BRPF1: variants seen among roughly 807,000 people sequenced by gnomAD.
BRPF1 encodes the protein peregrin.
A neutral mutation model predicts 115.0 loss-of-function variants in BRPF1; 15 were observed. The ratio of observed to expected loss-of-function variants is 0.13; its 90% CI spans 0.09 to 0.20. The LOEUF is 0.20. BRPF1 is among the 10% of genes least tolerant of loss of function. The pLI, the probability that BRPF1 is intolerant of heterozygous loss-of-function variation, is 1.00. For missense variants in BRPF1, 1,118 were observed against 1,638.3 expected, an observed-to-expected ratio of 0.68 and a Z score of 5.48; for synonymous variants, 647 against 619.8, an observed-to-expected ratio of 1.04 and a Z score of -0.65.
At position 9,734,797 on chromosome 3, in the gene BRPF1, A is replaced by G; in HGVS notation, c.599+58A>G. The G allele has an allele frequency of 6.3e-7, 1 of 1,581,760 alleles. No individual in the cohort carries two copies. Among genetic ancestry groups the G allele is most frequent in the Admixed American group, 1.7e-5 (1 of 58,766 alleles). On this transcript the variant is annotated intron_variant, in intron 2 of 13. Coordinates refer to ENST00000383829, the MANE Select transcript of BRPF1 (RefSeq NM_001003694.2). This position sits in a 1 kb window ranked among gnomAD's most constrained non-coding sequence, Gnocchi z 5.7. ...ACTGGTCAAGCAGGGCTCACTAGCC[A>G]GAGAGAGGTGAGAGGCACAGATAGA...
In BRPF1 at chr3:9,739,954, C is replaced by T; in HGVS notation, c.1555C>T (p.His519Tyr). Residue 519 changes from histidine (H) to tyrosine (Y), a missense_variant, in exon 3 of 14, where the codon CAC becomes TAC. Coordinates refer to ENST00000383829, the MANE Select transcript of BRPF1 (RefSeq NM_001003694.2). ...PVVSVPCIPP[H>Y]RLSKITNRLT... is the part of the protein sequence containing the mutation. ...GGTGTCAGTGCCCTGCATCCCACCA[C>T]ACAGGTATGTGGGGAGCCGGTGGAC... The T allele has an allele frequency of 6.3e-7, 1 of 1,575,634 alleles. No individual in the cohort carries two copies. The highest frequency in any genetic ancestry group is 8.6e-7 in the Non-Finnish European group (1 of 1,160,782).
rs1180317499 is a variant in BRPF1, at chr3:9,734,450, C to G, written c.310C>G (p.His104Asp). ...QAQRMVEVDL[H>D]GRVHRISIFD... is the part of the protein sequence containing the mutation. ...CCAGCGCATGGTGGAGGTGGACTTG[C>G]ATGGCCGCGTCCACCGCATCAGCAT... The change falls in exon 2 of 14, where the codon CAT becomes GAT. Residue 104 changes from histidine to aspartate, a missense_variant. Physicochemically the swap from His to Asp is moderately conservative, Grantham distance 81 (BLOSUM62 -1). Coordinates refer to ENST00000383829, the MANE Select transcript of BRPF1 (RefSeq NM_001003694.2). The surrounding 1 kb of genome is among the most constrained non-coding windows in gnomAD (Gnocchi z 5.7). 6.2e-7 allele frequency: 1 copy of G among 1,614,086 alleles called. No homozygotes were observed. Among genetic ancestry groups the G allele is most frequent in the South Asian group, 1.1e-5 (1 of 91,078 alleles).
intron 4 of BRPF1, among the ~76,000 whole-genome samples, 170 bp downstream of exon 4, chr3:9,741,111 GTGTT>G (rs1434364236): frequency 6.6e-6 from 1 of 152,226 alleles, no homozygotes; most frequent in Non-Finnish European, 1.5e-5. Flanking sequence ...TTGTTCCTAT[GTGTT>G]TATGTATTCA....
At chr3:9,738,461 G>A (rs921952657) in intron 2 of BRPF1, among the ~76,000 whole-genome samples, 1 of 152,186 alleles carries the variant, frequency 6.6e-6, no homozygotes, top group East Asian at 1.9e-4. Flanking sequence ...AGAGTTTGAC[G>A]GAGCCTTGAG....
rs1172625779 is a variant in BRPF1, at chr3:9,739,578, C to T, written c.1179C>T (p.Gly393=). 1 of 1,612,514 alleles carries T rather than the reference C, an allele frequency of 6.2e-7. No homozygotes were observed. Among genetic ancestry groups the T allele is most frequent in the Non-Finnish European group, 8.5e-7 (1 of 1,178,734 alleles). Residue 393 remains glycine (G), a synonymous_variant, in exon 3 of 14, where the codon GGC becomes GGT. Coordinates refer to ENST00000383829, the MANE Select transcript of BRPF1 (RefSeq NM_001003694.2). ...CCTGCTACATTTGCAAACAACGGGG[C>T]TCAGGGGCCTGCATCCAGTGCCACA... ...KLTCYICKQR[G]SGACIQCHKA... is the part of the protein sequence containing the mutation.
Position 9,741,364 on chromosome 3 carries a change from G to A in BRPF1, c.1779G>A (p.Arg593=). The A allele has an allele frequency of 6.2e-7, 1 of 1,608,680 alleles. No individual in the cohort carries two copies. Among genetic ancestry groups the A allele is most frequent in the African/African-American group, 1.3e-5 (1 of 74,848 alleles). The change falls in exon 5 of 14, where the codon CGG becomes CGA. Residue 593 remains arginine (R), a synonymous_variant. Coordinates refer to ENST00000383829, the MANE Select transcript of BRPF1 (RefSeq NM_001003694.2). ...AAGAACAGCTCAAGTCCTGGCAGCG[G>A]CTCCGGCATGACTTGGAGCGAGCTC... ...ALKEQLKSWQ[R]LRHDLERARL...
At position 9,739,678 on chromosome 3, in the gene BRPF1, C is replaced by T. The variant is rs781345638; in HGVS notation, c.1279C>T (p.Arg427Trp). ...CCTTTACATGAAGATGGAGCCTGTG[C>T]GGGAGACAGGCGCCAACGGCACCTC... ...AGLYMKMEPV[R>W]ETGANGTSFS... Residue 427 changes from arginine (R) to tryptophan (W), a missense_variant, in exon 3 of 14, where the codon CGG (arginine) becomes TGG (tryptophan). Transcript: ENST00000383829. 12 of 1,613,050 alleles carry T rather than the reference C, an allele frequency of 7.4e-6. No homozygotes were observed. Among genetic ancestry groups the T allele is most frequent in the African/African-American group, 2.7e-5 (2 of 74,904 alleles).
intron 6 of BRPF1, 139 bp downstream of exon 6, chr3:9,742,310 A>G: frequency 6.7e-7 from 1 of 1,496,220 alleles, no homozygotes; most frequent in Non-Finnish European, 8.8e-7. Flanking sequence ...CTGGAGCCAC[A>G]TGTATCACCT....
Position 9,734,512 on chromosome 3 carries a change from A to G in BRPF1, c.372A>G (p.Glu124=), listed in dbSNP as rs1036078815. 44 of 1,614,060 alleles carry G rather than the reference A, an allele frequency of 2.7e-5. No homozygotes were observed. The highest frequency in any genetic ancestry group is 3.1e-5 in the Non-Finnish European group (37 of 1,180,040). ...TGGATGTGGTGTCAGAGGATGAGGA[A>G]GCCCCCGAGGAGGCCCCTGAGAATG... ...DNLDVVSEDE[E]APEEAPENGS... is the part of the protein sequence containing the mutation. Residue 124 remains glutamate, a synonymous_variant, in exon 2 of 14, where the codon GAA becomes GAG. Coordinates refer to ENST00000383829, the MANE Select transcript of BRPF1 (RefSeq NM_001003694.2). The surrounding 1 kb of genome is among the most constrained non-coding windows in gnomAD (Gnocchi z 5.7).
In BRPF1 at chr3:9,734,605, G is replaced by A. The variant is rs1238620393; in HGVS notation, c.465G>A (p.Glu155=). ...TPKSGKHKNK[E]KRKDSNHHHH... ...AGTCAGGCAAACATAAGAACAAGGA[G>A]AAGCGCAAGGACTCCAACCATCACC... Residue 155 remains glutamate, a synonymous_variant, in exon 2 of 14, where the codon GAG becomes GAA. Coordinates refer to ENST00000383829, the MANE Select transcript of BRPF1 (RefSeq NM_001003694.2). This position sits in a 1 kb window ranked among gnomAD's most constrained non-coding sequence, Gnocchi z 5.7. The A allele has an allele frequency of 6.2e-7, 1 of 1,614,130 alleles. No homozygotes were observed. Among genetic ancestry groups the A allele is most frequent in the Non-Finnish European group, 8.5e-7 (1 of 1,180,036 alleles).
chr3:9,744,568 C>A, intron 9 of BRPF1, 60 bp downstream of exon 9: 1 of 1,288,370 alleles, frequency 7.8e-7, no homozygotes, highest in Non-Finnish European at 1.1e-6. Context: ...TTCTTCCCAG[C>A]ATACTCCCAG....
At chr3:9,737,295 C>T (rs2076958431) in intron 2 of BRPF1, among the ~76,000 whole-genome samples, 1 of 152,188 alleles carries the variant, frequency 6.6e-6, no homozygotes, top group African/African-American at 2.4e-5. Context: ...TAGACACATA[C>T]ACAGCTATAA....
In BRPF1 at chr3:9,734,693, G is replaced by A; in HGVS notation, c.553G>A (p.Glu185Lys). ...GCCAGAGGTGGTCTATCGGGAGCTG[G>A]AACAGGACACCCCTGATGCCCCACC... Reference protein sequence around the residue: ...KLPEVVYRELEQDTPDAPPRP... With the variant: ...KLPEVVYRELKQDTPDAPPRP... The change falls in exon 2 of 14, where the codon GAA becomes AAA. Residue 185 changes from glutamate (E) to lysine (K), a missense_variant. Glu to Lys is a moderately conservative substitution (Grantham distance 56). Coordinates refer to ENST00000383829, the MANE Select transcript of BRPF1 (RefSeq NM_001003694.2). This position sits in a 1 kb window ranked among gnomAD's most constrained non-coding sequence, Gnocchi z 5.7. 2 of 1,614,130 alleles carry A rather than the reference G, an allele frequency of 1.2e-6. No individual in the cohort carries two copies. The highest frequency in any genetic ancestry group is 1.7e-6 in the Non-Finnish European group (2 of 1,180,028).
chr3:9,739,313 A>G lies in BRPF1; in HGVS notation c.914A>G (p.Tyr305Cys), dbSNP rs1264771727. 3 of 1,614,136 alleles carry G rather than the reference A, an allele frequency of 1.9e-6. No individual in the cohort carries two copies. The highest frequency in any genetic ancestry group is 2.5e-6 in the Non-Finnish European group (3 of 1,180,012). Reference protein sequence around the residue: ...MCNLAVHQECYGVPYIPEGQW... With the variant: ...MCNLAVHQECCGVPYIPEGQW... ...AACCTGGCCGTGCACCAGGAGTGCTACGGTGTCCCCTATATCCCTGAGGGC... is the reference window on the plus strand; with the variant it reads ...AACCTGGCCGTGCACCAGGAGTGCTGCGGTGTCCCCTATATCCCTGAGGGC... The change falls in exon 3 of 14, where the codon TAC becomes TGC. Residue 305 changes from tyrosine to cysteine, a missense_variant. This residue lies in a region of BRPF1 where 64 missense variants were observed against 172.8 expected (regional missense o/e 0.37). Coordinates refer to ENST00000383829, the MANE Select transcript of BRPF1 (RefSeq NM_001003694.2).
intron 5 of BRPF1, among the ~76,000 whole-genome samples, chr3:9,741,760 G>A (rs1170023642): frequency 6.6e-6 from 1 of 152,170 alleles, no homozygotes; most frequent in African/African-American, 2.4e-5. Flanking sequence ...TCTGCTGGAA[G>A]CAGAATGTCA....
Position 9,739,808 on chromosome 3 carries a change from A to T in BRPF1, c.1409A>T (p.Glu470Val), listed in dbSNP as rs768240300. ...SHSEGEEDED[E>V]EEDEGKGWSS... is the part of the protein sequence containing the mutation. ...AGCGAGGGTGAGGAGGATGAAGATG[A>T]GGAGGAGGATGAGGGTAAGGGCTGG... is the stretch of plus-strand genomic sequence containing the variant. Residue 470 changes from glutamate to valine, a missense_variant, in exon 3 of 14, where the codon GAG (glutamate) becomes GTG (valine). Glu to Val is a moderately radical substitution (Grantham distance 121). This residue lies in a region of BRPF1 where 87 missense variants were observed against 93.4 expected (regional missense o/e 0.93). Transcript: ENST00000383829. 6.2e-7 allele frequency: 1 copy of T among 1,611,006 alleles called. No individual in the cohort carries two copies. Among genetic ancestry groups the T allele is most frequent in the South Asian group, 1.1e-5 (1 of 90,622 alleles).
chr3:9,742,512 T>C, intron 6 of BRPF1: 1 of 985,360 alleles, frequency 1.0e-6, no homozygotes, highest in Non-Finnish European at 1.2e-6. Context: ...AAGCCCTAGG[T>C]CCTGACTGGC....
At position 9,747,012 on chromosome 3, in the gene BRPF1, C is replaced by G. The variant is rs1188134976; in HGVS notation, c.3480-154C>G. Among the ~76,000 whole-genome samples the G allele has an allele frequency of 6.6e-6, 1 of 152,176 alleles. No individual in the cohort carries two copies. The highest frequency in any genetic ancestry group is 2.4e-5 in the African/African-American group (1 of 41,448). ...AGTATAACTGTTGACTGGGCTCTTTCATCTCTAGACCATGAACAGTCCTTT... is the reference window on the plus strand; with the variant it reads ...AGTATAACTGTTGACTGGGCTCTTTGATCTCTAGACCATGAACAGTCCTTT... On this transcript the variant is annotated intron_variant, in intron 13 of 13. Coordinates refer to ENST00000383829, the MANE Select transcript of BRPF1 (RefSeq NM_001003694.2). This position sits in a 1 kb window ranked among gnomAD's most constrained non-coding sequence, Gnocchi z 5.6.
Position 9,743,846 on chromosome 3 carries a change from G to C in BRPF1, c.2580G>C (p.Lys860Asn). 6.2e-7 allele frequency: 1 copy of C among 1,606,050 alleles called. No individual in the cohort carries two copies. The highest frequency in any genetic ancestry group is 8.5e-7 in the Non-Finnish European group (1 of 1,173,808). The change falls in exon 8 of 14, where the codon AAG becomes AAC. Residue 860 changes from lysine (K) to asparagine (N), a missense_variant. Lys to Asn is a moderately conservative substitution (Grantham distance 94). Around this residue, in one of 10 missense-constraint regions of BRPF1, gnomAD observed 223 missense variants for 240.7 expected, o/e 0.93. Transcript: ENST00000383829. The surrounding 1 kb of genome is among the most constrained non-coding windows in gnomAD (Gnocchi z 6.1). Reference protein sequence around the residue: ...SLTPHPAACDKDGQTDSAAEE... With the variant: ...SLTPHPAACDNDGQTDSAAEE... The stretch of plus-strand genomic sequence containing the variant: ...CACCCCACCCGGCAGCCTGTGACAA[G>C]GATGGGCAGACAGATAGTGCGGCAG...
Sources: allele counts gnomAD v4.1 joint callset (sites outside exome capture counted in the v4.1 genomes callset), GRCh38; gene constraint gnomAD v4.1.1; regional missense constraint gnomAD v4.1.1; non-coding constraint Gnocchi (gnomAD v3.1); transcripts MANE v1.5; gene names NCBI Gene and HGNC (gene_info 2026-07-23, HGNC 2026-07-21).